PRELID2: variants seen among roughly 807,000 people sequenced by gnomAD.
PRELID2 encodes the protein PRELI domain-containing protein 2.
In PRELID2, 25 loss-of-function variants were observed where a neutral mutation model predicts 28.4. The ratio of observed to expected loss-of-function variants is 0.88; its 90% CI spans 0.64 to 1.23. The LOEUF (loss-of-function observed/expected upper bound fraction) is 1.23, where lower values mean the gene tolerates loss of function less well. Ranked by LOEUF, PRELID2 falls within the 50% of genes most tolerant of loss-of-function variation. PRELID2 has a pLI of 0.00. For missense variants in PRELID2, 201 were observed against 214.4 expected (o/e 0.94, Z 0.39); for synonymous variants, 76 against 71.6 (o/e 1.06, Z -0.31).
chr5:145,655,769 A>C (rs913125777), intron 1 of PRELID2, among the ~76,000 whole-genome samples: 1 of 152,250 alleles, frequency 6.6e-6, no homozygotes, highest in African/African-American at 2.4e-5. Context: ...TTAAAGACTT[A>C]AATGTTAGAC....
chr5:145,795,870 T>C (rs1024721218), intron 5 of PRELID2: 1 of 152,186 alleles, frequency 6.6e-6, no homozygotes, highest in Non-Finnish European at 1.5e-5. Flanking sequence ...CTACTTAAAA[T>C]AGAGCACACA....
At chr5:145,747,775 C>T (rs956505921) in intron 1 of PRELID2, among the ~76,000 whole-genome samples, 2 of 152,172 alleles carry the variant, frequency 1.3e-5, no homozygotes, top group Non-Finnish European at 2.9e-5. Flanking sequence ...TACTGGCAAA[C>T]CAAATCCAGC....
At chr5:145,434,450 C>T in the PRELID2 span, among the ~76,000 whole-genome samples, 1 of 152,158 alleles carries the variant, frequency 6.6e-6, no homozygotes, top group African/African-American at 2.4e-5. Flanking sequence ...AATAACAACC[C>T]CTGACACGTA....
the PRELID2 span, among the ~76,000 whole-genome samples, chr5:145,324,054 T>A: frequency 3.9e-5 from 6 of 152,264 alleles, no homozygotes; most frequent in Non-Finnish European, 8.8e-5. Flanking sequence ...CTTTCCACAA[T>A]GGCTGAATTA....
chr5:145,238,314 A>G, the PRELID2 span, among the ~76,000 whole-genome samples: 1 of 152,152 alleles, frequency 6.6e-6, no homozygotes, highest in Admixed American at 6.6e-5. Context: ...TTGCTCAACA[A>G]ATAGAGCCAA....
chr5:145,337,854 C>T, the PRELID2 span: 3 of 151,212 alleles, frequency 2.0e-5, no homozygotes, highest in African/African-American at 4.9e-5. Flanking sequence ...TCTCCCAACA[C>T]ATGGATGTGT....
chr5:145,500,805 C>A (rs1752353207), intron 1 of PRELID2, among the ~76,000 whole-genome samples: 1 of 152,148 alleles, frequency 6.6e-6, no homozygotes, highest in Non-Finnish European at 1.5e-5. Context: ...GGACAGCTAT[C>A]AGGTGAGACT....
the PRELID2 span, among the ~76,000 whole-genome samples, chr5:145,292,348 C>T: frequency 6.6e-5 from 10 of 151,514 alleles, no homozygotes; most frequent in East Asian, 2.0e-4. Context: ...TTCTGCTCTA[C>T]GGCTGACTTA....
chr5:145,546,735 T>C (rs1321583693), intron 1 of PRELID2, among the ~76,000 whole-genome samples: 1 of 152,190 alleles, frequency 6.6e-6, no homozygotes, highest in Non-Finnish European at 1.5e-5. Flanking sequence ...TATGTTCAGG[T>C]GTTCAGGAAG....
rs944520464 is a variant in PRELID2, at chr5:145,542,778, TTTCTTTCTGTC to T, written n.71-69474_71-69464del. The stretch of plus-strand genomic sequence containing the variant: ...CTTTCTTTCTTTCTTTCTTTCTTTC[TTTCTTTCTGTC>T]TTTTTCTCTTTTCTTTTACTTTCTA... On this transcript the variant is annotated intron_variant and non_coding_transcript_variant, in intron 1 of 2. Transcript: ENST00000510259. Among the ~76,000 whole-genome samples, 5 of 139,492 alleles carry T rather than the reference TTTCTTTCTGTC, an allele frequency of 3.6e-5. 1 individual carries two copies. The highest frequency in any genetic ancestry group is 1.6e-4 in the African/African-American group (5 of 31,496). 91.5% of individuals were successfully genotyped at this position (139,492 alleles called of 152,430 possible).
At chr5:145,334,744 T>C in the PRELID2 span, among the ~76,000 whole-genome samples, 7 of 151,740 alleles carry the variant, frequency 4.6e-5, no homozygotes, top group Admixed American at 1.3e-4. Context: ...AGAACAGCTT[T>C]GCCAAGCATA....
At chr5:145,445,315 TG>T in the PRELID2 span, among the ~76,000 whole-genome samples, 2 of 152,164 alleles carry the variant, frequency 1.3e-5, no homozygotes, top group African/African-American at 4.8e-5. Context: ...CTGAGAAAAC[TG>T]GCTATTCATA....
intron 1 of PRELID2, among the ~76,000 whole-genome samples, chr5:145,517,785 T>C (rs1042674791): frequency 6.6e-6 from 1 of 152,124 alleles, no homozygotes; most frequent in African/African-American, 2.4e-5. Flanking sequence ...ATGTGGCACA[T>C]ATACACCATG....
At chr5:145,559,311 G>T (rs1207805409) in intron 1 of PRELID2, among the ~76,000 whole-genome samples, 3 of 150,604 alleles carry the variant, frequency 2.0e-5, no homozygotes, top group Non-Finnish European at 4.4e-5. Flanking sequence ...CATCAAAAGA[G>T]AAATGATTTT....
chr5:145,279,982 G>A, the PRELID2 span, among the ~76,000 whole-genome samples: 2 of 152,090 alleles, frequency 1.3e-5, no homozygotes, highest in Non-Finnish European at 2.9e-5. Flanking sequence ...ATCACTAAAT[G>A]AATGATTGGC....
intron 1 of PRELID2, among the ~76,000 whole-genome samples, chr5:145,697,044 T>TAA: frequency 1.0e-5 from 1 of 98,694 alleles, no homozygotes; most frequent in Non-Finnish European, 1.9e-5. Flanking sequence ...TATATATATA[T>TAA]ATATATATAT....
the PRELID2 span, among the ~76,000 whole-genome samples, chr5:145,388,134 A>C: frequency 6.6e-6 from 1 of 152,168 alleles, no homozygotes; most frequent in East Asian, 1.9e-4. Context: ...CTTAGCAGTA[A>C]TTACCAGTAA....
chr5:145,229,036 C>T, the PRELID2 span: 17 of 1,600,904 alleles, frequency 1.1e-5, no homozygotes, highest in Middle Eastern at 2.3e-4. Flanking sequence ...TTCATCTGGG[C>T]GGCCATCCAG....
chr5:145,299,605 T>C, the PRELID2 span, among the ~76,000 whole-genome samples: 1 of 151,656 alleles, frequency 6.6e-6, no homozygotes, highest in Non-Finnish European at 1.5e-5. Context: ...AGGTTCCATT[T>C]TTTTTCCCTG....
Sources: gnomAD v4.1 joint callset for allele counts (sites outside exome capture counted in the v4.1 genomes callset) on GRCh38, gnomAD v4.1.1 for gene constraint, MANE v1.5 for transcripts, NCBI Gene and HGNC (gene_info 2026-07-23, HGNC 2026-07-21) for gene names.